TMEM108: variants seen among roughly 807,000 people sequenced by gnomAD.
TMEM108 encodes the protein transmembrane protein 108, also known as cancer/testis antigen 124.
In TMEM108, 12 loss-of-function variants were observed where a neutral mutation model predicts 35.1. The ratio of observed to expected loss-of-function variants is 0.34; its 90% CI spans 0.22 to 0.55. TMEM108 has a LOEUF of 0.55. TMEM108 is among the 20% of genes least tolerant of loss of function. TMEM108 has a pLI of 0.89. For synonymous variants in TMEM108, 287 were observed against 308.6 expected (o/e 0.93, Z 0.73); for missense variants, 680 against 753.3 (o/e 0.90, Z 1.14).
At chr3:133,124,709 G>A (rs1246824434) in intron 2 of TMEM108, 2 of 152,316 alleles carry the variant, frequency 1.3e-5, no homozygotes, top group African/African-American at 2.4e-5. Flanking sequence ...GTAATTCAGC[G>A]TCCTTGCCAA....
At chr3:133,136,711 C>T (rs893178775) in intron 2 of TMEM108, among the ~76,000 whole-genome samples, 3 of 152,160 alleles carry the variant, frequency 2.0e-5, no homozygotes, top group Admixed American at 1.3e-4. Flanking sequence ...AAGAGGATCC[C>T]GTCACATCCA....
At chr3:133,203,281 T>C (rs887762914) in intron 2 of TMEM108, among the ~76,000 whole-genome samples, 3 of 152,286 alleles carry the variant, frequency 2.0e-5, no homozygotes, top group African/African-American at 7.2e-5. Context: ...GAATACTCTT[T>C]TTTTCTTTCT....
At chr3:133,388,671 A>G in intron 4 of TMEM108, 3 of 985,456 alleles carry the variant, frequency 3.0e-6, no homozygotes, top group East Asian at 1.1e-4. Context: ...GATAAAGTAG[A>G]AACTTACCCT....
At chr3:133,386,911 A>G in intron 4 of TMEM108, 1 of 748,672 alleles carries the variant, frequency 1.3e-6, no homozygotes, top group Non-Finnish European at 1.6e-6. Context: ...TGTTCTGAAA[A>G]TGGGAAGAGC....
At chr3:133,147,965 T>G (rs866579870) in intron 2 of TMEM108, among the ~76,000 whole-genome samples, 9 of 152,198 alleles carry the variant, frequency 5.9e-5, no homozygotes, top group Admixed American at 3.9e-4. Flanking sequence ...AATGCCGTGA[T>G]AAATCCTATG....
intron 2 of TMEM108, among the ~76,000 whole-genome samples, chr3:133,220,245 A>G (rs984654075): frequency 5.3e-5 from 8 of 151,856 alleles, no homozygotes; most frequent in Admixed American, 3.3e-4. Context: ...TGTAGGCAGT[A>G]TATAGTTGAG....
chr3:133,235,681 A>G (rs966307962), intron 3 of TMEM108, among the ~76,000 whole-genome samples: 3 of 152,174 alleles, frequency 2.0e-5, no homozygotes, highest in Non-Finnish European at 4.4e-5. Flanking sequence ...CCTGGAAAAC[A>G]TAAGGACAAT....
chr3:133,368,504 G>C (rs892274841), intron 3 of TMEM108, among the ~76,000 whole-genome samples: 13 of 152,210 alleles, frequency 8.5e-5, no homozygotes, highest in Admixed American at 7.2e-4. Flanking sequence ...CTCTGCAGCA[G>C]ATCAACAGGA....
At chr3:133,045,288 C>T (rs988469004) in intron 1 of TMEM108, among the ~76,000 whole-genome samples, 1 of 152,052 alleles carries the variant, frequency 6.6e-6, no homozygotes, top group Non-Finnish European at 1.5e-5. Flanking sequence ...TTACATTGGC[C>T]CTATGAGAGA....
intron 3 of TMEM108, among the ~76,000 whole-genome samples, chr3:133,278,786 G>T (rs925294919): frequency 6.6e-6 from 1 of 152,164 alleles, no homozygotes; most frequent in Non-Finnish European, 1.5e-5. Flanking sequence ...ACTGTAAGGG[G>T]CTATGTAATG....
At chr3:133,381,447 G>A (rs140411585) in intron 4 of TMEM108, among the ~76,000 whole-genome samples, 2 of 152,292 alleles carry the variant, frequency 1.3e-5, no homozygotes, top group East Asian at 3.9e-4. Flanking sequence ...AAAATGCCAA[G>A]CTAGCAGTGA....
intron 2 of TMEM108, among the ~76,000 whole-genome samples, chr3:133,216,317 C>T (rs551416044): frequency 3.3e-5 from 5 of 152,190 alleles, no homozygotes; most frequent in Non-Finnish European, 5.9e-5. Context: ...CTATTAGGCT[C>T]ACTCTCCTTA....
chr3:133,388,158 A>C, intron 4 of TMEM108: 1 of 985,402 alleles, frequency 1.0e-6, no homozygotes, highest in Non-Finnish European at 1.2e-6. Context: ...CACTTTTCCC[A>C]CTTCCCAGAT....
chr3:133,166,958 G>A (rs1213985199), intron 2 of TMEM108, among the ~76,000 whole-genome samples: 2 of 152,042 alleles, frequency 1.3e-5, no homozygotes, highest in South Asian at 2.1e-4. Flanking sequence ...GTTTGGACAG[G>A]GTATTGATTG....
intron 3 of TMEM108, among the ~76,000 whole-genome samples, chr3:133,370,810 C>T (rs138582767): frequency 1.9e-3 from 283 of 151,370 alleles, no homozygotes; most frequent in African/African-American, 6.7e-3. Context: ...TGGCTATGTC[C>T]TCAATATGCA....
chr3:133,322,171 A>G (rs2071275300), intron 3 of TMEM108, among the ~76,000 whole-genome samples: 1 of 152,204 alleles, frequency 6.6e-6, no homozygotes, highest in African/African-American at 2.4e-5. Context: ...AAAAGCAATA[A>G]CAAAGATCAG....
intron 2 of TMEM108, among the ~76,000 whole-genome samples, chr3:133,132,910 A>G (rs1944509701): frequency 6.6e-6 from 1 of 152,184 alleles, no homozygotes. Context: ...GAAGAGTTTA[A>G]GACTTCAGTG....
At chr3:133,208,050 C>T (rs997427952) in intron 2 of TMEM108, among the ~76,000 whole-genome samples, 3 of 152,146 alleles carry the variant, frequency 2.0e-5, no homozygotes, top group African/African-American at 7.2e-5. Flanking sequence ...TATCCAAGGT[C>T]ACAGTTGTAC....
chr3:133,320,485 A>G (rs1461752881), intron 3 of TMEM108, among the ~76,000 whole-genome samples: 1 of 151,814 alleles, frequency 6.6e-6, no homozygotes, highest in Non-Finnish European at 1.5e-5. Flanking sequence ...AAAAGACAAA[A>G]CAAAATGAAC....
Sources: gnomAD v4.1 joint callset for allele counts (sites outside exome capture counted in the v4.1 genomes callset) on GRCh38, gnomAD v4.1.1 for gene constraint, MANE v1.5 for transcripts, NCBI Gene and HGNC (gene_info 2026-07-23, HGNC 2026-07-21) for gene names.